Variants in MACO1 observed in about 807,000 individuals in gnomAD.
MACO1 encodes macoilin 1, also known as macoilin.
In MACO1, 14 loss-of-function variants were observed where a neutral mutation model predicts 78.7. The observed-to-expected ratio is 0.18, with a 90% CI of 0.12 to 0.28. The LOEUF is 0.28. MACO1 is among the 10% of genes least tolerant of loss of function. The probability of loss-of-function intolerance (pLI) is 1.00; values close to 1 mark genes in which losing one functional copy is unlikely to be tolerated. For missense variants in MACO1, 501 were observed against 799.0 expected, an observed-to-expected ratio of 0.63 and a Z score of 4.50; for synonymous variants, 288 against 291.6, an observed-to-expected ratio of 0.99 and a Z score of 0.12.
chr1:25,475,449 C>T (rs533689456), intron 6 of MACO1, among the ~76,000 whole-genome samples: 10 of 151,652 alleles, frequency 6.6e-5, no homozygotes, highest in East Asian at 1.9e-4. Context: ...TGGTGGCTCA[C>T]GCCTGTAATC....
chr1:25,439,652 G>C (rs1363546475), intron 1 of MACO1, among the ~76,000 whole-genome samples: 3 of 151,556 alleles, frequency 2.0e-5, no homozygotes, highest in Admixed American at 6.6e-5. Context: ...TTATGTTAAG[G>C]CTCACACACA....
rs1553166539 is a variant in MACO1, at chr1:25,480,929, A to AAAATATAT, written c.1155-3186_1155-3185insAATATATA. On this transcript the variant is annotated intron_variant, in intron 6 of 10. Coordinates refer to ENST00000374343, the MANE Select transcript of MACO1 (RefSeq NM_018202.6). ...AGACTTGGTTAAAAAAAAAAAAAAAAATATATATATATATATATATATATA... is the reference window on the plus strand; with the variant it reads ...AGACTTGGTTAAAAAAAAAAAAAAAAAAATATATATATATATATATATATATATATATA... 4.8e-4 allele frequency among the ~76,000 whole-genome samples: 23 copies of AAAATATAT among 47,826 alleles called. 1 individual carries two copies. The highest frequency in any genetic ancestry group is 9.3e-4 in the South Asian group (1 of 1,070). 31.4% of individuals were successfully genotyped at this position (47,826 alleles called of 152,430 possible). A position where few individuals can be genotyped will look rare whatever the true frequency, so the allele number is the denominator to read the frequency against.
At chr1:25,490,300 T>C (rs1249209133) in intron 9 of MACO1, among the ~76,000 whole-genome samples, 1 of 152,110 alleles carries the variant, frequency 6.6e-6, no homozygotes, top group Non-Finnish European at 1.5e-5. Context: ...TATAGCAAAA[T>C]AGGCTGAGGA....
At chr1:25,453,223 C>T (rs1246099039) in intron 3 of MACO1, among the ~76,000 whole-genome samples, 1 of 148,982 alleles carries the variant, frequency 6.7e-6, no homozygotes, top group Admixed American at 6.7e-5. Context: ...CCAGGCTGGT[C>T]TTGACTCCCG....
intron 1 of MACO1, among the ~76,000 whole-genome samples, chr1:25,439,463 C>T (rs576084830): frequency 1.3e-5 from 2 of 152,006 alleles, no homozygotes; most frequent in East Asian, 3.9e-4. Context: ...AGTGGCTGCA[C>T]ATGTACGCGC....
At chr1:25,460,772 C>T (rs1371573246) in intron 6 of MACO1, among the ~76,000 whole-genome samples, 1 of 151,984 alleles carries the variant, frequency 6.6e-6, no homozygotes, top group Non-Finnish European at 1.5e-5. Flanking sequence ...GGGTCCAGTG[C>T]CCCCGTGCCT....
At chr1:25,473,458 T>C (rs969639953) in intron 6 of MACO1, among the ~76,000 whole-genome samples, 3 of 152,140 alleles carry the variant, frequency 2.0e-5, no homozygotes, top group South Asian at 2.1e-4. Flanking sequence ...ATGTAGGTTA[T>C]TGGGGAGGGG....
chr1:25,437,826 C>T (rs2042932951), intron 1 of MACO1, among the ~76,000 whole-genome samples: 3 of 151,958 alleles, frequency 2.0e-5, no homozygotes, highest in Admixed American at 6.6e-5. Flanking sequence ...GAGGCTGAGG[C>T]GGGAGGATCA....
chr1:25,440,469 T>G (rs1384175360), intron 1 of MACO1, among the ~76,000 whole-genome samples: 1 of 150,196 alleles, frequency 6.7e-6, no homozygotes, highest in Non-Finnish European at 1.5e-5. Flanking sequence ...ATTAGTTCAC[T>G]TAAAAGTACC....
chr1:25,478,903 C>T (rs1475030369), intron 6 of MACO1, among the ~76,000 whole-genome samples: 1 of 152,214 alleles, frequency 6.6e-6, no homozygotes, highest in Non-Finnish European at 1.5e-5. Context: ...GCATTTATTT[C>T]CTGACTAAGC....
chr1:25,472,118 CCTCT>C (rs752421578), intron 6 of MACO1, among the ~76,000 whole-genome samples: 6 of 151,892 alleles, frequency 4.0e-5, no homozygotes, highest in Non-Finnish European at 7.4e-5. Flanking sequence ...TGGGTCTAGC[CCTCT>C]CTCTCCTCGC....
chr1:25,490,620 G>A (rs1193610822), intron 9 of MACO1, among the ~76,000 whole-genome samples: 4 of 152,108 alleles, frequency 2.6e-5, no homozygotes, highest in South Asian at 2.1e-4. Context: ...GATGTTCATC[G>A]TAGTGGTATA....
At chr1:25,479,933 G>A (rs936415302) in intron 6 of MACO1, among the ~76,000 whole-genome samples, 7 of 151,966 alleles carry the variant, frequency 4.6e-5, no homozygotes, top group Non-Finnish European at 1.0e-4. Context: ...TTACATGTAC[G>A]AAGAAATAGA....
chr1:25,436,446 C>T (rs911582353), intron 1 of MACO1, among the ~76,000 whole-genome samples: 3 of 152,094 alleles, frequency 2.0e-5, no homozygotes, highest in African/African-American at 7.2e-5. Context: ...GTGTGCTCTT[C>T]AGATATACTG....
chr1:25,451,571 A>T (rs543953995), intron 3 of MACO1, among the ~76,000 whole-genome samples: 2 of 152,126 alleles, frequency 1.3e-5, no homozygotes, highest in Non-Finnish European at 2.9e-5. Context: ...TTGAAAATGC[A>T]TTGTTCTGTG....
At position 25,430,992 on chromosome 1, in the gene MACO1, G is replaced by C. The variant is rs954690020; in HGVS notation, c.-107G>C. On this transcript the variant is annotated 5_prime_UTR_variant, in exon 1 of 11. Coordinates refer to ENST00000374343, the MANE Select transcript of MACO1 (RefSeq NM_018202.6). ...GTGCTGGCTCCATGTCTGTGTGACC[G>C]GCCTCAGGGGTAGAGTCCAGGCCCG... 50 of 514,000 alleles carry C rather than the reference G, an allele frequency of 9.7e-5. No individual in the cohort carries two copies. Among genetic ancestry groups the C allele is most frequent in the Non-Finnish European group, 1.3e-4 (45 of 339,250 alleles). 31.8% of individuals were successfully genotyped at this position (514,000 alleles called of 1,614,324 possible). A position where few individuals can be genotyped will look rare whatever the true frequency, so the allele number is the denominator to read the frequency against.
At chr1:25,480,437 T>C (rs1183059530) in intron 6 of MACO1, among the ~76,000 whole-genome samples, 1 of 152,224 alleles carries the variant, frequency 6.6e-6, no homozygotes, top group Non-Finnish European at 1.5e-5. Context: ...TTCTGTGTCT[T>C]ATGAGATTAT....
At chr1:25,484,091 A>T (rs1253511860) in intron 6 of MACO1, 25 bp from the exon 7 acceptor site, 1 of 1,591,848 alleles carries the variant, frequency 6.3e-7, no homozygotes, top group African/African-American at 1.3e-5. Flanking sequence ...CCTAGATGAA[A>T]ATGCTGCATT....
chr1:25,464,974 A>ATT (rs1167966713), intron 6 of MACO1, among the ~76,000 whole-genome samples: 1 of 94,296 alleles, frequency 1.1e-5, no homozygotes, highest in Admixed American at 1.1e-4. Flanking sequence ...GCGCCCAGGC[A>ATT]ATTTTTTTTT....
Sources: gnomAD v4.1 joint callset for allele counts (sites outside exome capture counted in the v4.1 genomes callset) on GRCh38, gnomAD v4.1.1 for gene constraint, MANE v1.5 for transcripts, NCBI Gene and HGNC (gene_info 2026-07-23, HGNC 2026-07-21) for gene names.